The following COL26A1 variants were observed in gnomAD, a reference collection of about 807,000 sequenced individuals.
The protein encoded by COL26A1 is collagen alpha-1(XXVI) chain.
A neutral mutation model predicts 59.3 loss-of-function variants in COL26A1; 41 were observed. The ratio of observed to expected loss-of-function variants is 0.69; its 90% CI spans 0.54 to 0.90. COL26A1 has a LOEUF of 0.90. Ranked by LOEUF, COL26A1 falls within the 40% of genes least tolerant of loss-of-function variation. The pLI, the probability that COL26A1 is intolerant of heterozygous loss-of-function variation, is 0.00. For synonymous variants in COL26A1, 266 were observed against 256.0 expected, an observed-to-expected ratio of 1.04 and a Z score of -0.37; for missense variants, 612 against 602.3, an observed-to-expected ratio of 1.02 and a Z score of -0.17.
At chr7:101,431,994 T>A in intron 2 of COL26A1, among the ~76,000 whole-genome samples, 1 of 143,002 alleles carries the variant, frequency 7.0e-6, no homozygotes, top group Non-Finnish European at 1.5e-5. Flanking sequence ...GGAGACGAAG[T>A]TTTGCTCTCG....
intron 10 of COL26A1, 123 bp from the exon 11 acceptor site, chr7:101,553,203 C>T (rs533985231): frequency 1.1e-4 from 92 of 820,922 alleles, no homozygotes; most frequent in East Asian, 7.3e-4. Flanking sequence ...GCCCAGCACC[C>T]GTTTCCCAGG....
At chr7:101,491,606 T>A (rs1018179665) in intron 3 of COL26A1, among the ~76,000 whole-genome samples, 3 of 152,158 alleles carry the variant, frequency 2.0e-5, no homozygotes, top group Non-Finnish European at 4.4e-5. Flanking sequence ...AAGGGGTGGA[T>A]TATTCATGCC....
At chr7:101,516,670 G>A (rs1795034752) in intron 3 of COL26A1, among the ~76,000 whole-genome samples, 2 of 152,114 alleles carry the variant, frequency 1.3e-5, no homozygotes, top group South Asian at 4.1e-4. Context: ...CCCAGGAGAC[G>A]GCTTTGATCA....
chr7:101,392,261 G>A (rs1791748730), intron 1 of COL26A1, among the ~76,000 whole-genome samples: 1 of 152,102 alleles, frequency 6.6e-6, no homozygotes, highest in South Asian at 2.1e-4. Context: ...GTACATGAGG[G>A]CCATGAGTCT....
chr7:101,399,291 G>C (rs1251449118), intron 1 of COL26A1, among the ~76,000 whole-genome samples: 1 of 152,094 alleles, frequency 6.6e-6, no homozygotes, highest in Admixed American at 6.6e-5. Flanking sequence ...GGGCAACAGA[G>C]TGACACTCTG....
intron 1 of COL26A1, among the ~76,000 whole-genome samples, chr7:101,418,464 T>C (rs949359544): frequency 6.6e-6 from 1 of 152,082 alleles, no homozygotes; most frequent in African/African-American, 2.4e-5. Context: ...ACTTTTTTTC[T>C]TATTTTATTT....
chr7:101,405,625 C>T (rs1013674337), intron 1 of COL26A1, among the ~76,000 whole-genome samples: 2 of 152,130 alleles, frequency 1.3e-5, no homozygotes, highest in African/African-American at 4.8e-5. Flanking sequence ...CTGATCTTTT[C>T]TCACGTGGTC....
intron 9 of COL26A1, among the ~76,000 whole-genome samples, chr7:101,550,136 G>A (rs1795829606): frequency 1.3e-5 from 2 of 152,282 alleles, no homozygotes; most frequent in African/African-American, 4.8e-5. Context: ...CAGGGAGGGT[G>A]ATTCCATGAT....
chr7:101,551,225 G>GGGGGGGGT, intron 10 of COL26A1, 82 bp downstream of exon 10: 1 of 339,580 alleles, frequency 2.9e-6, no homozygotes, highest in South Asian at 4.5e-5. Context: ...GGTGGCGGGG[G>GGGGGGGGT]TTGGTGGGGG....
intron 3 of COL26A1, among the ~76,000 whole-genome samples, chr7:101,469,931 G>A (rs1793854008): frequency 6.6e-6 from 1 of 152,076 alleles, no homozygotes. Flanking sequence ...CACGTGAAGT[G>A]GCGTCGCTGT....
chr7:101,506,667 T>A (rs1452811072), intron 3 of COL26A1, among the ~76,000 whole-genome samples: 1 of 152,228 alleles, frequency 6.6e-6, no homozygotes, highest in Non-Finnish European at 1.5e-5. Context: ...ATTCCCTGAC[T>A]GTATTTGCTC....
intron 3 of COL26A1, among the ~76,000 whole-genome samples, chr7:101,487,404 G>A (rs966783103): frequency 2.0e-5 from 3 of 152,062 alleles, no homozygotes; most frequent in Non-Finnish European, 2.9e-5. Context: ...TCAGCACCAA[G>A]GGCTCCCCAG....
intron 1 of COL26A1, among the ~76,000 whole-genome samples, chr7:101,372,525 A>G (rs1406093962): frequency 6.6e-6 from 1 of 152,124 alleles, no homozygotes; most frequent in Non-Finnish European, 1.5e-5. Flanking sequence ...GTTCTAGTGG[A>G]TAGAGACTAA....
At chr7:101,528,266 C>G (rs1202896856) in intron 3 of COL26A1, among the ~76,000 whole-genome samples, 2 of 152,212 alleles carry the variant, frequency 1.3e-5, no homozygotes, top group South Asian at 2.1e-4. Flanking sequence ...TGGGCCTCCC[C>G]CTCCATCCGC....
At chr7:101,428,375 G>T (rs62463415) in intron 2 of COL26A1, among the ~76,000 whole-genome samples, 1 of 144,168 alleles carries the variant, frequency 6.9e-6, no homozygotes, top group Admixed American at 7.0e-5. Context: ...AAAAAAAAAG[G>T]CAAAGAGAAT....
rs189052134 is a variant in COL26A1, at chr7:101,498,921, C to T, written c.386-34161C>T. Among the ~76,000 whole-genome samples, 38 of 152,272 alleles carry T rather than the reference C, an allele frequency of 2.5e-4. No homozygotes were observed. The South Asian group carries it at 4.4e-3, about 17-fold the overall frequency. ...GGTCTTCATCGAGCGCTCTCAGGCA[C>T]GGCATGTAAGCCGATCCCCGCACAA... On this transcript the variant is annotated intron_variant, in intron 3 of 12. Coordinates refer to ENST00000313669, the MANE Select transcript of COL26A1 (RefSeq NM_001278563.3).
chr7:101,400,353 A>ATTTTTTTTTTTTT (rs574852983), intron 1 of COL26A1, among the ~76,000 whole-genome samples: 4 of 97,254 alleles, frequency 4.1e-5, no homozygotes, highest in East Asian at 3.1e-4. Context: ...TTTTTTTCCT[A>ATTTTTTTTTTTTT]TTTTTTTTTT....
chr7:101,501,657 G>T (rs966111487), intron 3 of COL26A1, among the ~76,000 whole-genome samples: 1 of 152,186 alleles, frequency 6.6e-6, no homozygotes, highest in Non-Finnish European at 1.5e-5. Context: ...CACTCCATTT[G>T]AGCAAGATGG....
In COL26A1 at chr7:101,408,581, C is replaced by T. The variant is rs1792179461; in HGVS notation, c.159-11396C>T. Among the ~76,000 whole-genome samples, 6 of 152,268 alleles carry T rather than the reference C, an allele frequency of 3.9e-5. No homozygotes were observed. The South Asian group carries it at 1.2e-3, about 32-fold the overall frequency. On this transcript the variant is annotated intron_variant, in intron 1 of 12. Coordinates refer to ENST00000313669, the MANE Select transcript of COL26A1 (RefSeq NM_001278563.3). Reference sequence around the variant, plus strand: ...GGCATGGAGGGGAACAAGGTGTGTTCCTGATGCTATTTTGCTAGTAAGACA... The same window carrying T: ...GGCATGGAGGGGAACAAGGTGTGTTTCTGATGCTATTTTGCTAGTAAGACA...
Sources: allele counts gnomAD v4.1 joint callset (sites outside exome capture counted in the v4.1 genomes callset), GRCh38; gene constraint gnomAD v4.1.1; transcripts MANE v1.5; gene names NCBI Gene and HGNC (gene_info 2026-07-23, HGNC 2026-07-21).